ROPN1: variants seen among roughly 807,000 people sequenced by gnomAD.
ROPN1 encodes the protein rhophilin associated tail protein 1.
Under a neutral mutation model 20.5 loss-of-function variants are expected in ROPN1, and 14 were observed. That is an observed-to-expected ratio of 0.68 (90% CI 0.45 to 1.07). The LOEUF (loss-of-function observed/expected upper bound fraction) is 1.07. ROPN1 is among the 50% of genes least tolerant of loss of function. The pLI is 0.00. For synonymous variants in ROPN1, 76 were observed against 95.7 expected (o/e 0.79, Z 1.20); for missense variants, 169 against 242.8 (o/e 0.70, Z 2.02).
At chr3:123,977,355 AGT>A (rs140084176) in intron 2 of ROPN1, among the ~76,000 whole-genome samples, 49 of 152,332 alleles carry the variant, frequency 3.2e-4, no homozygotes, top group Admixed American at 9.8e-4. Context: ...TGGGAAGAGA[AGT>A]TGGAAGAGAA....
intron 1 of ROPN1, among the ~76,000 whole-genome samples, chr3:123,983,549 T>G (rs2038193426): frequency 6.6e-6 from 1 of 152,216 alleles, no homozygotes. Context: ...AAGTAAAGCC[T>G]TTACTTCATC....
intron 1 of ROPN1, among the ~76,000 whole-genome samples, chr3:123,989,359 G>T (rs1318325124): frequency 6.6e-6 from 1 of 152,120 alleles, no homozygotes; most frequent in African/African-American, 2.4e-5. Flanking sequence ...TTAGCTTTAG[G>T]TCCGGTTATC....
intron 2 of ROPN1, chr3:123,978,783 A>T (rs1479356704): frequency 2.0e-5 from 3 of 152,748 alleles, no homozygotes; most frequent in African/African-American, 7.3e-5. Flanking sequence ...GATAGAATGG[A>T]GGGGGCTCTT....
At chr3:123,985,520 TC>T (rs1333231376) in intron 1 of ROPN1, among the ~76,000 whole-genome samples, 4 of 152,210 alleles carry the variant, frequency 2.6e-5, no homozygotes, top group Admixed American at 6.5e-5. Flanking sequence ...TCACTTTTTT[TC>T]CCATTGTGAC....
rs77646098 is a variant in ROPN1, at chr3:123,969,927, T to G, written c.572+115A>C. 6.7e-3 allele frequency: 6,796 copies of G among 1,014,618 alleles called. 262 individuals carry two copies. In the African/African-American group the frequency reaches 0.088, roughly 13 times the overall value. 62.9% of individuals were successfully genotyped at this position (1,014,618 alleles called of 1,614,324 possible). A position where few individuals can be genotyped will look rare whatever the true frequency, so the allele number is the denominator to read the frequency against. On this transcript the variant is annotated intron_variant, in intron 5 of 5. Coordinates refer to ENST00000405845, the MANE Select transcript of ROPN1 (RefSeq NM_001317774.2). ...TTTCAGATCATCCATATTTCATGTTTCTCACAATACTTTTCTGTTTCCAGA... is the reference window on the plus strand; with the variant it reads ...TTTCAGATCATCCATATTTCATGTTGCTCACAATACTTTTCTGTTTCCAGA...
chr3:123,972,379 G>A (rs1394071179), intron 4 of ROPN1, among the ~76,000 whole-genome samples: 3 of 152,218 alleles, frequency 2.0e-5, no homozygotes, highest in African/African-American at 4.8e-5. Flanking sequence ...CCGCTTCACA[G>A]ACATAATCTT....
chr3:123,971,182 G>A (rs2037909947), intron 4 of ROPN1, among the ~76,000 whole-genome samples: 1 of 152,142 alleles, frequency 6.6e-6, no homozygotes, highest in African/African-American at 2.4e-5. Context: ...AGCAGTTGAT[G>A]TCTGCTGTTC....
rs2038119354 is a variant in ROPN1, at chr3:123,980,499, C to T, written c.-12-6G>A. ...TGAGCCATTGATTGGTTGGCCTATT[C>T]TCAGGAGAAAAAAATACGTTAAGAT... is the stretch of plus-strand genomic sequence containing the variant. On this transcript the variant is annotated splice_region_variant and splice_polypyrimidine_tract_variant and intron_variant, in intron 1 of 5. Coordinates refer to ENST00000405845, the MANE Select transcript of ROPN1 (RefSeq NM_001317774.2). 6.2e-7 allele frequency: 1 copy of T among 1,611,070 alleles called. No homozygotes were observed. The highest frequency in any genetic ancestry group is 2.2e-5 in the East Asian group (1 of 44,782).
At chr3:123,969,745 G>A (rs530827355) in intron 5 of ROPN1, among the ~76,000 whole-genome samples, 1 of 152,340 alleles carries the variant, frequency 6.6e-6, no homozygotes, top group South Asian at 2.1e-4. Flanking sequence ...TGGCCCTAGA[G>A]TTTATGATTC....
At chr3:123,988,626 C>T (rs894608769) in intron 1 of ROPN1, among the ~76,000 whole-genome samples, 1 of 152,086 alleles carries the variant, frequency 6.6e-6, no homozygotes, top group Non-Finnish European at 1.5e-5. Flanking sequence ...ATCTAGAGGG[C>T]AGATGAAGCT....
In ROPN1 at chr3:123,977,754, T is replaced by TC. The variant is rs549458796; in HGVS notation, c.117-774dup. 3.0e-3 allele frequency among the ~76,000 whole-genome samples: 463 copies of TC among 152,354 alleles called. 2 individuals are homozygous for TC. The highest frequency in any genetic ancestry group is 0.011 in the African/African-American group (441 of 41,564). On this transcript the variant is annotated intron_variant, in intron 2 of 5. Coordinates refer to ENST00000405845, the MANE Select transcript of ROPN1 (RefSeq NM_001317774.2). ...GGTGCCTCTGAAATGAAACTGTTTC[T>TC]CCATCTTCCCTCAAAATTTTCAGTG... is the stretch of plus-strand genomic sequence containing the variant.
At chr3:123,970,744 C>T (rs1440295344) in intron 4 of ROPN1, among the ~76,000 whole-genome samples, 6 of 152,138 alleles carry the variant, frequency 3.9e-5, no homozygotes, top group Non-Finnish European at 2.9e-5. Context: ...TCAAGATAAA[C>T]GTTCCTCTAA....
intron 5 of ROPN1, among the ~76,000 whole-genome samples, chr3:123,969,641 C>T (rs909517305): frequency 1.3e-5 from 2 of 152,148 alleles, no homozygotes; most frequent in African/African-American, 2.4e-5. Flanking sequence ...CCTGCTTCTC[C>T]TCCTCCTCCT....
At chr3:123,976,742 G>T in intron 3 of ROPN1, 122 bp downstream of exon 3, 1 of 857,484 alleles carries the variant, frequency 1.2e-6, no homozygotes. Flanking sequence ...ACGGTTTAGT[G>T]TATTTTAGGG....
chr3:123,976,224 T>G (rs558306308), intron 3 of ROPN1, among the ~76,000 whole-genome samples: 298 of 152,280 alleles, frequency 2.0e-3, no homozygotes, highest in African/African-American at 6.9e-3. Flanking sequence ...GACTGTCTGA[T>G]TCTAGTGAAA....
intron 4 of ROPN1, among the ~76,000 whole-genome samples, chr3:123,972,950 G>A (rs1381103255): frequency 6.6e-6 from 1 of 152,148 alleles, no homozygotes; most frequent in African/African-American, 2.4e-5. Context: ...AAGACCAAGA[G>A]GCCAGCAGAT....
intron 1 of ROPN1, among the ~76,000 whole-genome samples, chr3:123,989,201 C>T (rs2332717): frequency 0.11 from 16,874 of 152,158 alleles, 1,205 homozygotes; most frequent in East Asian, 0.38. Flanking sequence ...GTTCAGGGAA[C>T]TGTAATTATG....
At chr3:123,982,748 A>C (rs2038175336) in intron 1 of ROPN1, among the ~76,000 whole-genome samples, 1 of 152,162 alleles carries the variant, frequency 6.6e-6, no homozygotes, top group South Asian at 2.1e-4. Context: ...ACAATTTACC[A>C]TTTTAAATGT....
Position 123,969,107 on chromosome 3 carries a change from A to G in ROPN1, c.*48T>C, listed in dbSNP as rs780647754. The G allele has an allele frequency of 3.6e-5, 54 of 1,488,708 alleles. No individual in the cohort carries two copies. The Middle Eastern group carries it at 6.9e-4, about 19-fold the overall frequency. 92.2% of individuals were successfully genotyped at this position (1,488,708 alleles called of 1,614,324 possible). A position where few individuals can be genotyped will look rare whatever the true frequency, so the allele number is the denominator to read the frequency against. On this transcript the variant is annotated 3_prime_UTR_variant, in exon 6 of 6. Coordinates refer to ENST00000405845, the MANE Select transcript of ROPN1 (RefSeq NM_001317774.2). ...GGTATATGGGTTTCAGTCATTCTGA[A>G]GTACAATCATCTCTGTATCTTCCTT...
Sources: allele counts gnomAD v4.1 joint callset (sites outside exome capture counted in the v4.1 genomes callset), GRCh38; gene constraint gnomAD v4.1.1; transcripts MANE v1.5; gene names NCBI Gene and HGNC (gene_info 2026-07-23, HGNC 2026-07-21).